Variants in NEGR1 observed in about 807,000 individuals in gnomAD.
NEGR1 encodes neuronal growth regulator 1, also known as IgLON family member 4.
In NEGR1, 10 loss-of-function variants were observed where a neutral mutation model predicts 40.9. The ratio of observed to expected loss-of-function variants is 0.24; its 90% CI spans 0.15 to 0.42. NEGR1 has a LOEUF of 0.42. Among genes scored for constraint, NEGR1 ranks in the 10% least tolerant of loss-of-function variants. NEGR1 has a pLI of 1.00. For missense variants in NEGR1, 352 were observed against 438.9 expected, an observed-to-expected ratio of 0.80 and a Z score of 1.77; for synonymous variants, 185 against 166.8, an observed-to-expected ratio of 1.11 and a Z score of -0.84.
chr1:72,046,217 TGA>T (rs1400938520), intron 1 of NEGR1, among the ~76,000 whole-genome samples: 6 of 151,656 alleles, frequency 4.0e-5, no homozygotes, highest in East Asian at 1.9e-4. Flanking sequence ...AGGTAAAGTT[TGA>T]GAGAGAGTAA....
At chr1:72,163,992 G>T (rs905557668) in intron 1 of NEGR1, among the ~76,000 whole-genome samples, 1 of 151,468 alleles carries the variant, frequency 6.6e-6, no homozygotes, top group East Asian at 1.9e-4. Context: ...ACTAATTTTA[G>T]CTTGCATACA....
At chr1:72,248,656 T>C (rs1169047403) in intron 1 of NEGR1, among the ~76,000 whole-genome samples, 2 of 150,528 alleles carry the variant, frequency 1.3e-5, no homozygotes, top group African/African-American at 4.9e-5. Flanking sequence ...TGCAGTATAG[T>C]GGTGCAATCT....
At chr1:71,792,731 C>T (rs1374688210) in intron 2 of NEGR1, among the ~76,000 whole-genome samples, 1 of 152,024 alleles carries the variant, frequency 6.6e-6, no homozygotes, top group Non-Finnish European at 1.5e-5. Context: ...CAAACTGTTT[C>T]CATCAGGCTG....
chr1:71,925,426 G>C (rs150361107), intron 2 of NEGR1, among the ~76,000 whole-genome samples: 3 of 152,246 alleles, frequency 2.0e-5, no homozygotes, highest in Non-Finnish European at 4.4e-5. Flanking sequence ...TGAAGGGATG[G>C]GTGGCGAAGT....
intron 6 of NEGR1, among the ~76,000 whole-genome samples, chr1:71,512,990 A>G (rs1489883428): frequency 1.3e-5 from 2 of 152,212 alleles, no homozygotes; most frequent in Non-Finnish European, 2.9e-5. Flanking sequence ...TTTACTATAC[A>G]TATAACATCG....
chr1:71,848,866 T>C (rs1659507345), intron 2 of NEGR1, among the ~76,000 whole-genome samples: 1 of 152,104 alleles, frequency 6.6e-6, no homozygotes, highest in African/African-American at 2.4e-5. Flanking sequence ...GGCGGGTGGA[T>C]CACGTGGTTA....
chr1:72,077,202 T>C (rs1324524662), intron 1 of NEGR1, among the ~76,000 whole-genome samples: 1 of 152,040 alleles, frequency 6.6e-6, no homozygotes, highest in African/African-American at 2.4e-5. Context: ...CCCTCATTTA[T>C]CTATTTTTAT....
At chr1:71,980,065 A>T (rs1646341220) in intron 1 of NEGR1, among the ~76,000 whole-genome samples, 1 of 152,170 alleles carries the variant, frequency 6.6e-6, no homozygotes, top group Non-Finnish European at 1.5e-5. Flanking sequence ...GTTCCTGCAT[A>T]ATAACAATAT....
intron 6 of NEGR1, among the ~76,000 whole-genome samples, chr1:71,460,481 A>T (rs1260628796): frequency 6.6e-6 from 1 of 152,198 alleles, no homozygotes; most frequent in East Asian, 1.9e-4. Context: ...CCTGATGGGC[A>T]ATTTTCTTAA....
At chr1:71,898,904 T>TATA (rs1234194578) in intron 2 of NEGR1, among the ~76,000 whole-genome samples, 2 of 135,806 alleles carry the variant, frequency 1.5e-5, no homozygotes, top group East Asian at 2.2e-4. Flanking sequence ...TGCAAATATA[T>TATA]ATATATTGCA....
chr1:71,645,795 A>G (rs1162802807), intron 4 of NEGR1, among the ~76,000 whole-genome samples: 1 of 151,792 alleles, frequency 6.6e-6, no homozygotes, highest in East Asian at 1.9e-4. Context: ...TGGGTATTAA[A>G]TTTCAATCAG....
intron 1 of NEGR1, among the ~76,000 whole-genome samples, chr1:72,271,149 A>G (rs1655830622): frequency 6.6e-6 from 1 of 151,920 alleles, no homozygotes; most frequent in African/African-American, 2.4e-5. Flanking sequence ...AATAAAACTA[A>G]GCAATCATGA....
intron 6 of NEGR1, among the ~76,000 whole-genome samples, chr1:71,430,648 G>T: frequency 6.9e-6 from 1 of 145,060 alleles, no homozygotes; most frequent in African/African-American, 2.6e-5. Flanking sequence ...ATGTCTTATA[G>T]CTTTTTTTTA....
chr1:71,879,050 T>C (rs571807599), intron 2 of NEGR1, among the ~76,000 whole-genome samples: 5 of 151,906 alleles, frequency 3.3e-5, no homozygotes, highest in Non-Finnish European at 5.9e-5. Flanking sequence ...GGAGAATCAC[T>C]TGAACCCGGG....
intron 2 of NEGR1, among the ~76,000 whole-genome samples, chr1:71,841,347 T>C (rs1028945518): frequency 1.3e-5 from 2 of 152,166 alleles, no homozygotes; most frequent in African/African-American, 2.4e-5. Context: ...ATAATTCCAG[T>C]ATTCAATAAA....
intron 3 of NEGR1, among the ~76,000 whole-genome samples, chr1:71,718,817 C>T (rs906050158): frequency 1.2e-4 from 19 of 152,196 alleles, no homozygotes; most frequent in African/African-American, 4.3e-4. Flanking sequence ...TTCCCTTCAT[C>T]CTTATTCTTA....
chr1:71,562,082 A>G (rs1004844394), intron 6 of NEGR1, among the ~76,000 whole-genome samples: 22 of 151,732 alleles, frequency 1.4e-4, no homozygotes, highest in African/African-American at 5.3e-4. Context: ...GACTTATTAA[A>G]GTTCTTTATC....
intron 3 of NEGR1, among the ~76,000 whole-genome samples, chr1:71,754,644 C>T (rs1274521422): frequency 6.6e-6 from 1 of 151,624 alleles, no homozygotes; most frequent in Non-Finnish European, 1.5e-5. Flanking sequence ...CCCCCACCTG[C>T]ATTCCCTATT....
rs370741388 is a variant in NEGR1, at chr1:71,713,994, C to G, written c.536-15855G>C. On this transcript the variant is annotated intron_variant, in intron 3 of 6. Coordinates refer to ENST00000357731, the MANE Select transcript of NEGR1 (RefSeq NM_173808.3). Reference sequence around the variant, plus strand: ...TCTCTTTGAAAAAAGGAAACAGTACCTATTGTATTAGTTCATTCTCACACT... The same window carrying G: ...TCTCTTTGAAAAAAGGAAACAGTACGTATTGTATTAGTTCATTCTCACACT... Among the ~76,000 whole-genome samples the G allele has an allele frequency of 3.0e-4, 46 of 152,072 alleles. No homozygotes were observed. The East Asian group carries it at 7.7e-3, about 26-fold the overall frequency.
Sources: allele counts gnomAD v4.1 joint callset (sites outside exome capture counted in the v4.1 genomes callset), GRCh38; gene constraint gnomAD v4.1.1; transcripts MANE v1.5; gene names NCBI Gene and HGNC (gene_info 2026-07-23, HGNC 2026-07-21).